CDH13: variants seen among roughly 807,000 people sequenced by gnomAD.
CDH13 encodes cadherin 13.
In CDH13, 24 loss-of-function variants were observed where a neutral mutation model predicts 63.8. The ratio of observed to expected loss-of-function variants is 0.38; its 90% confidence interval spans 0.27 to 0.53. CDH13 has a LOEUF of 0.53. Among genes scored for constraint, CDH13 ranks in the 20% least tolerant of loss-of-function variants. The probability of loss-of-function intolerance (pLI) is 0.85; values close to 1 mark genes in which losing one functional copy is unlikely to be tolerated. For missense variants in CDH13, 1,049 were observed against 903.1 expected (o/e 1.16, Z -2.07); for synonymous variants, 503 against 355.3 (o/e 1.42, Z -4.67).
chr16:82,703,551 C>G (rs2031228227), intron 1 of CDH13, among the ~76,000 whole-genome samples: 1 of 152,150 alleles, frequency 6.6e-6, no homozygotes, highest in African/African-American at 2.4e-5. Context: ...ACAGTGGTAC[C>G]TGGACTGATA....
At chr16:83,031,533 A>G (rs1002275981) in intron 2 of CDH13, among the ~76,000 whole-genome samples, 3 of 151,712 alleles carry the variant, frequency 2.0e-5, no homozygotes, top group Admixed American at 6.6e-5. Context: ...TTTAGCCCTC[A>G]TCCCTGTGCC....
intron 5 of CDH13, 27 bp from the exon 6 acceptor site, chr16:83,344,835 T>C (rs1322050629): frequency 6.2e-7 from 1 of 1,611,186 alleles, no homozygotes; most frequent in Non-Finnish European, 8.5e-7. Context: ...ATATCTTCTT[T>C]CTCCCCCAAT....
At chr16:83,605,036 A>C (rs1303151422) in intron 8 of CDH13, among the ~76,000 whole-genome samples, 1 of 152,246 alleles carries the variant, frequency 6.6e-6, no homozygotes, top group East Asian at 1.9e-4. Context: ...GTAAACACTA[A>C]AAGCATACAA....
chr16:83,057,540 C>G lies in CDH13; in HGVS notation c.366+25322C>G, dbSNP rs188862534. Among the ~76,000 whole-genome samples the G allele has an allele frequency of 8.4e-4, 128 of 151,826 alleles. 1 individual carries two copies. The highest frequency in any genetic ancestry group is 2.8e-3 in the African/African-American group (114 of 41,366). ...TTTCAAAAGTAGTAATTGGATGACT[C>G]CCGCTTTTATTGAGTTAGCAAGTAT... On this transcript the variant is annotated intron_variant, in intron 3 of 13. Transcript: ENST00000567109.
chr16:83,737,632 T>C (rs1351445491), intron 10 of CDH13, among the ~76,000 whole-genome samples: 2 of 152,180 alleles, frequency 1.3e-5, no homozygotes, highest in African/African-American at 4.8e-5. Context: ...TTTAAATCAT[T>C]ATTCTCAGAA....
intron 7 of CDH13, among the ~76,000 whole-genome samples, chr16:83,585,481 C>T (rs989439369): frequency 6.6e-6 from 1 of 152,122 alleles, no homozygotes; most frequent in Non-Finnish European, 1.5e-5. Context: ...CTGTGCTTGG[C>T]TGGGGAGCTG....
At chr16:83,421,835 C>G (rs2071725044) in intron 6 of CDH13, among the ~76,000 whole-genome samples, 1 of 152,140 alleles carries the variant, frequency 6.6e-6, no homozygotes, top group Non-Finnish European at 1.5e-5. Flanking sequence ...AATGCTTTTT[C>G]CATAATTAGT....
intron 6 of CDH13, among the ~76,000 whole-genome samples, chr16:83,441,396 A>G (rs1458558037): frequency 6.6e-6 from 1 of 152,242 alleles, no homozygotes; most frequent in African/African-American, 2.4e-5. Flanking sequence ...ATCTATATCT[A>G]TGTTAAATGT....
At chr16:82,718,306 C>G (rs1249266522) in intron 1 of CDH13, among the ~76,000 whole-genome samples, 1 of 152,200 alleles carries the variant, frequency 6.6e-6, no homozygotes, top group Non-Finnish European at 1.5e-5. Flanking sequence ...AGTCCCTCTT[C>G]TGACGAGTCA....
At chr16:83,399,903 C>G (rs1290623916) in intron 6 of CDH13, among the ~76,000 whole-genome samples, 1 of 152,142 alleles carries the variant, frequency 6.6e-6, no homozygotes, top group Non-Finnish European at 1.5e-5. Context: ...TTCTAATATG[C>G]TCTCAAGTTT....
intron 2 of CDH13, among the ~76,000 whole-genome samples, chr16:82,966,707 C>G (rs1370137138): frequency 1.3e-5 from 2 of 152,130 alleles, no homozygotes; most frequent in Non-Finnish European, 2.9e-5. Flanking sequence ...TCAAATTTTT[C>G]AAATGTTAAC....
At chr16:83,760,001 A>C (rs115832390) in intron 11 of CDH13, among the ~76,000 whole-genome samples, 4,994 of 152,048 alleles carry the variant, frequency 0.033, 279 homozygotes, top group African/African-American at 0.12. Flanking sequence ...CCAAAGAAGA[A>C]TAGATAAGAG....
intron 7 of CDH13, among the ~76,000 whole-genome samples, chr16:83,534,932 G>C (rs2075154868): frequency 1.3e-5 from 2 of 152,194 alleles, no homozygotes; most frequent in Admixed American, 6.5e-5. Context: ...TCAATGTCTA[G>C]GACAATTTTA....
rs139747199 is a variant in CDH13, at chr16:83,072,830, T to G, written c.366+40612T>G. Among the ~76,000 whole-genome samples, 572 of 152,296 alleles carry G rather than the reference T, an allele frequency of 3.8e-3. 3 individuals carry two copies. Among genetic ancestry groups the G allele is most frequent in the African/African-American group, 0.013 (543 of 41,574 alleles). ...AGATCTACTGAATCAGAGTCTGTAT[T>G]TTTAACAAGATCCCCTACATTGGAG... On this transcript the variant is annotated intron_variant, in intron 3 of 13. Transcript: ENST00000567109.
At chr16:83,762,791 G>T (rs1056739212) in intron 11 of CDH13, among the ~76,000 whole-genome samples, 7 of 152,150 alleles carry the variant, frequency 4.6e-5, no homozygotes, top group African/African-American at 1.4e-4. Flanking sequence ...AATTGTGTAG[G>T]GTTCATTGTT....
intron 4 of CDH13, among the ~76,000 whole-genome samples, chr16:83,174,078 GC>G (rs67928376): frequency 0.16 from 25,061 of 152,058 alleles, 2,816 homozygotes; most frequent in African/African-American, 0.3. Flanking sequence ...CAAATCTGAT[GC>G]CTTGAGGCTG....
intron 6 of CDH13, chr16:83,383,055 T>G (rs1229552504): frequency 1.3e-5 from 2 of 152,242 alleles, no homozygotes; most frequent in Admixed American, 6.5e-5. Flanking sequence ...ATCTTTGCAG[T>G]CTGCCCCAGT....
At chr16:83,429,879 C>T (rs188063606) in intron 6 of CDH13, among the ~76,000 whole-genome samples, 3 of 152,264 alleles carry the variant, frequency 2.0e-5, no homozygotes, top group African/African-American at 7.2e-5. Context: ...TTCAGCTTGC[C>T]AAAAGCTATC....
At chr16:83,504,484 A>C (rs1171298912) in intron 7 of CDH13, among the ~76,000 whole-genome samples, 1 of 152,200 alleles carries the variant, frequency 6.6e-6, no homozygotes, top group African/African-American at 2.4e-5. Context: ...TGGGACGGGC[A>C]ATGGGAGGCA....
Sources: allele counts gnomAD v4.1 joint callset (sites outside exome capture counted in the v4.1 genomes callset), GRCh38; gene constraint gnomAD v4.1.1; transcripts MANE v1.5; gene names NCBI Gene and HGNC (gene_info 2026-07-23, HGNC 2026-07-21).